Variants in MYOF observed in about 807,000 individuals in gnomAD.
MYOF encodes the protein fer-1-like 3, myoferlin.
MYOF carries 244 observed loss-of-function variants against 284.2 expected under a neutral mutation model. The ratio of observed to expected loss-of-function variants is 0.86; its 90% CI spans 0.77 to 0.95. MYOF has a LOEUF of 0.95. Among genes scored for constraint, MYOF ranks in the 40% least tolerant of loss-of-function variants. MYOF has a pLI of 0.00. For synonymous variants in MYOF, 904 were observed against 919.7 expected, an observed-to-expected ratio of 0.98 and a Z score of 0.31; for missense variants, 2,496 against 2,560.6, an observed-to-expected ratio of 0.97 and a Z score of 0.54.
At chr10:93,314,336 A>G (rs1201354980) in intron 50 of MYOF, among the ~76,000 whole-genome samples, 2 of 152,084 alleles carry the variant, frequency 1.3e-5, no homozygotes, top group Non-Finnish European at 2.9e-5. Flanking sequence ...TGATCCACCC[A>G]CCTTGGCCTC....
intron 25 of MYOF, among the ~76,000 whole-genome samples, chr10:93,366,833 T>C (rs1845346754): frequency 6.6e-6 from 1 of 152,244 alleles, no homozygotes; most frequent in Admixed American, 6.5e-5. Flanking sequence ...GTGCAAATGA[T>C]TGCGAACGTG....
At chr10:93,471,098 G>A (rs1328916259) in intron 1 of MYOF, among the ~76,000 whole-genome samples, 1 of 152,036 alleles carries the variant, frequency 6.6e-6, no homozygotes, top group Non-Finnish European at 1.5e-5. Flanking sequence ...GAAATGAAGT[G>A]GACCTCGCCC....
At chr10:93,446,408 A>C (rs912196051) in intron 3 of MYOF, among the ~76,000 whole-genome samples, 3 of 152,222 alleles carry the variant, frequency 2.0e-5, no homozygotes, top group Non-Finnish European at 2.9e-5. Context: ...CTATTATAGC[A>C]TCACCCGATT....
intron 5 of MYOF, among the ~76,000 whole-genome samples, chr10:93,420,357 A>C (rs1456828933): frequency 6.6e-6 from 1 of 152,204 alleles, no homozygotes; most frequent in African/African-American, 2.4e-5. Context: ...ACAGGTTTTC[A>C]GGTCAAGCCT....
chr10:93,346,731 C>T (rs1844200353), intron 37 of MYOF, among the ~76,000 whole-genome samples: 1 of 152,144 alleles, frequency 6.6e-6, no homozygotes, highest in Non-Finnish European at 1.5e-5. Flanking sequence ...TCCTGTTTTC[C>T]CCATCAAGAT....
chr10:93,358,767 G>A (rs1319507475), intron 29 of MYOF, among the ~76,000 whole-genome samples: 1 of 152,140 alleles, frequency 6.6e-6, no homozygotes, highest in Admixed American at 6.5e-5. Context: ...CTTGGACACA[G>A]GGAGGGGAAC....
intron 23 of MYOF, 64 bp from the exon 24 acceptor site, chr10:93,373,149 G>C: frequency 6.3e-7 from 1 of 1,581,280 alleles, no homozygotes; most frequent in African/African-American, 1.3e-5. Flanking sequence ...GAGAGGGACC[G>C]AAGACCCTGC....
rs1843583217 is a variant in MYOF at position 93,335,934 on chromosome 10, A to G, written c.4550T>C (p.Val1517Ala). The G allele has an allele frequency of 6.2e-7, 1 of 1,614,080 alleles. No individual in the cohort carries two copies. Among genetic ancestry groups the G allele is most frequent in the Non-Finnish European group, 8.5e-7 (1 of 1,180,008 alleles). ...KSDENEDPSV[V>A]GEFKGSFRIY... ...CATCTTACTCACCTTAAACTCTCCA[A>G]CCACAGAAGGATCTTCATTTTCATC... Residue 1517 changes from valine (V) to alanine (A), a missense_variant, in exon 41 of 54, where the codon GTT (valine) becomes GCT (alanine). Val to Ala is a moderately conservative substitution (Grantham distance 64). Around this residue, in one of 3 missense-constraint regions of MYOF, gnomAD observed 2,436 missense variants for 2,480.7 expected, o/e 0.98. Transcript: ENST00000359263.
At chr10:93,361,323 G>A in intron 28 of MYOF, 129 bp downstream of exon 28, 1 of 826,432 alleles carries the variant, frequency 1.2e-6, no homozygotes. Context: ...GTACCAGTCT[G>A]GCCTGGGGGC....
At chr10:93,424,610 G>A (rs1848500846) in intron 5 of MYOF, among the ~76,000 whole-genome samples, 1 of 152,194 alleles carries the variant, frequency 6.6e-6, no homozygotes, top group African/African-American at 2.4e-5. Flanking sequence ...CTGCTGATGT[G>A]CTGGGGCCAT....
At chr10:93,416,690 T>G (rs1848137354) in intron 5 of MYOF, among the ~76,000 whole-genome samples, 2 of 149,692 alleles carry the variant, frequency 1.3e-5, no homozygotes, top group African/African-American at 4.9e-5. Flanking sequence ...CTTCACCTCC[T>G]GGGTTCAAGG....
At chr10:93,460,638 A>G (rs937145325) in intron 1 of MYOF, among the ~76,000 whole-genome samples, 4 of 151,694 alleles carry the variant, frequency 2.6e-5, no homozygotes, top group Admixed American at 2.6e-4. Flanking sequence ...ATGGTGGTGG[A>G]CGCCTGCAGT....
chr10:93,376,556 C>A (rs530393180), intron 22 of MYOF, among the ~76,000 whole-genome samples: 6 of 152,306 alleles, frequency 3.9e-5, no homozygotes, highest in African/African-American at 1.4e-4. Flanking sequence ...AATTACCTGG[C>A]TTTACCACTA....
chr10:93,337,142 T>TC (rs546510248), intron 40 of MYOF, among the ~76,000 whole-genome samples: 49 of 151,992 alleles, frequency 3.2e-4, no homozygotes, highest in Non-Finnish European at 1.8e-4. Flanking sequence ...GGTTTTTTTT[T>TC]TTTTTGCTTT....
chr10:93,422,654 G>A (rs1026106400), intron 5 of MYOF, among the ~76,000 whole-genome samples: 1 of 152,066 alleles, frequency 6.6e-6, no homozygotes, highest in Admixed American at 6.6e-5. Context: ...AAATTAGCCG[G>A]GCATAGTGGT....
intron 5 of MYOF, among the ~76,000 whole-genome samples, chr10:93,423,087 A>T (rs368703688): frequency 3.9e-4 from 60 of 152,312 alleles, no homozygotes; most frequent in African/African-American, 1.4e-3. Flanking sequence ...TCTTATTTGG[A>T]AATAAGGTTT....
At chr10:93,377,486 C>G in intron 21 of MYOF, 57 bp from the exon 22 acceptor site, 1 of 1,225,834 alleles carries the variant, frequency 8.2e-7, no homozygotes. Context: ...GCCATTATAC[C>G]TTTTCATATA....
At position 93,308,043 on chromosome 10, in the gene MYOF, G is replaced by T. The variant is rs531310571; in HGVS notation, c.6148-1042C>A. On this transcript the variant is annotated intron_variant, in intron 53 of 53. Transcript: ENST00000359263. ...AGATCACATGAGGTCAGGAGTTGGA[G>T]ACCAGCCTGGCCAACATGGTGAAAC... Among the ~76,000 whole-genome samples, 181 of 148,726 alleles carry T rather than the reference G, an allele frequency of 1.2e-3. 1 individual carries two copies. Among genetic ancestry groups the T allele is most frequent in the African/African-American group, 4.4e-3 (178 of 40,800 alleles).
chr10:93,457,436 T>C (rs1446984226), intron 1 of MYOF, among the ~76,000 whole-genome samples: 4 of 152,166 alleles, frequency 2.6e-5, no homozygotes, highest in Non-Finnish European at 4.4e-5. Flanking sequence ...CTCCCTCCCA[T>C]AGGCTTCGGT....
Sources: allele counts gnomAD v4.1 joint callset (sites outside exome capture counted in the v4.1 genomes callset), GRCh38; gene constraint gnomAD v4.1.1; regional missense constraint gnomAD v4.1.1; transcripts MANE v1.5; gene names NCBI Gene and HGNC (gene_info 2026-07-23, HGNC 2026-07-21).